Variants in VPS37A observed in about 807,000 individuals in gnomAD.
The protein encoded by VPS37A is vacuolar protein sorting-associated protein 37A.
In VPS37A, 30 loss-of-function variants were observed where a neutral mutation model predicts 49.8. The ratio of observed to expected loss-of-function variants is 0.60; its 90% CI spans 0.45 to 0.82. VPS37A has a LOEUF of 0.82. Ranked by LOEUF, VPS37A falls within the 40% of genes least tolerant of loss-of-function variation. The pLI is 0.00. For synonymous variants in VPS37A, 195 were observed against 160.6 expected (o/e 1.21, Z -1.62); for missense variants, 593 against 464.4 (o/e 1.28, Z -2.55).
chr8:17,304,401 T>G (rs761114661), downstream of VPS37A: 1 of 1,613,832 alleles, frequency 6.2e-7, no homozygotes, highest in South Asian at 1.1e-5. Context: ...TTACATGGTG[T>G]TGTAGGGAGA....
At chr8:17,269,193 T>G (rs1169293722) in intron 4 of VPS37A, among the ~76,000 whole-genome samples, 1 of 152,202 alleles carries the variant, frequency 6.6e-6, no homozygotes, top group Non-Finnish European at 1.5e-5. Flanking sequence ...TCATTTTAGA[T>G]ATTATCTGTT....
downstream of VPS37A, chr8:17,300,054 G>T (rs111589936): frequency 1.9e-6 from 3 of 1,614,066 alleles, no homozygotes; most frequent in Non-Finnish European, 8.5e-7. Context: ...AATCTTCATC[G>T]CCTTGTGAAG....
chr8:17,324,738 T>G, the VPS37A span, among the ~76,000 whole-genome samples: 1 of 152,200 alleles, frequency 6.6e-6, no homozygotes, highest in Non-Finnish European at 1.5e-5. Flanking sequence ...TATTTCCACT[T>G]TAATGGGAAA....
At chr8:17,311,682 A>G in the VPS37A span, 1 of 1,612,872 alleles carries the variant, frequency 6.2e-7, no homozygotes, top group Admixed American at 1.7e-5. Flanking sequence ...ATGGCTGTAA[A>G]AAGGCAGAAC....
chr8:17,300,183 C>T (rs759594265), downstream of VPS37A: 4 of 1,613,648 alleles, frequency 2.5e-6, no homozygotes, highest in Non-Finnish European at 3.4e-6. Context: ...TACTCTTCAC[C>T]TTAGTGCAAT....
chr8:17,250,038 G>A (rs567480469), intron 1 of VPS37A, among the ~76,000 whole-genome samples: 3 of 152,270 alleles, frequency 2.0e-5, no homozygotes, highest in South Asian at 2.1e-4. Flanking sequence ...CTAGTGGACC[G>A]GCCCGGGCTC....
chr8:17,323,317 C>T, the VPS37A span, among the ~76,000 whole-genome samples: 24 of 152,002 alleles, frequency 1.6e-4, no homozygotes, highest in Admixed American at 3.3e-4. Context: ...ACACTGGGGT[C>T]GAAATCTACA....
At chr8:17,311,771 AG>A in the VPS37A span, 1 of 1,387,850 alleles carries the variant, frequency 7.2e-7, no homozygotes, top group Non-Finnish European at 9.8e-7. Context: ...TCGTCTGTTT[AG>A]GGCCCCCCCT....
chr8:17,300,292 CTT>C, downstream of VPS37A: 1 of 1,476,920 alleles, frequency 6.8e-7, no homozygotes, highest in Non-Finnish European at 9.1e-7. Context: ...ATATGCATGT[CTT>C]TAGCATTTGT....
chr8:17,286,930 C>T (rs933425985), intron 11 of VPS37A, among the ~76,000 whole-genome samples: 4 of 152,188 alleles, frequency 2.6e-5, no homozygotes, highest in African/African-American at 9.6e-5. Flanking sequence ...ATTTGCTCTA[C>T]TCCAGAACCT....
chr8:17,299,848 T>A, downstream of VPS37A: 1 of 1,613,202 alleles, frequency 6.2e-7, no homozygotes, highest in Non-Finnish European at 8.5e-7. Context: ...ACTTTGGAAC[T>A]CCAAAGGGAA....
At chr8:17,268,450 A>T in intron 3 of VPS37A, 78 bp downstream of exon 3, 4 of 1,093,648 alleles carry the variant, frequency 3.7e-6, no homozygotes, top group Non-Finnish European at 5.2e-6. Flanking sequence ...AGAAATCTGA[A>T]ATGCATTTAA....
chr8:17,299,763 A>G (rs1200355031), downstream of VPS37A: 48 of 1,503,900 alleles, frequency 3.2e-5, 1 homozygote, highest in Non-Finnish European at 5.4e-6. Context: ...GTTCTCAATG[A>G]CATGCACCAT....
the VPS37A span, among the ~76,000 whole-genome samples, chr8:17,324,990 T>C: frequency 6.6e-6 from 1 of 152,142 alleles, no homozygotes; most frequent in Non-Finnish European, 1.5e-5. Context: ...AGAAATACTT[T>C]TAAATGAAAA....
At chr8:17,319,862 C>T in the VPS37A span, among the ~76,000 whole-genome samples, 1 of 152,102 alleles carries the variant, frequency 6.6e-6, no homozygotes, top group African/African-American at 2.4e-5. Flanking sequence ...CAAATACCAT[C>T]AGCTTAAAGG....
intron 1 of VPS37A, among the ~76,000 whole-genome samples, chr8:17,259,169 T>G (rs1812753539): frequency 6.6e-6 from 1 of 152,208 alleles, no homozygotes; most frequent in East Asian, 1.9e-4. Context: ...ATAATTGGGT[T>G]GTTTATTTGA....
the VPS37A span, chr8:17,311,515 A>T: frequency 6.2e-7 from 1 of 1,614,154 alleles, no homozygotes; most frequent in Non-Finnish European, 8.5e-7. Flanking sequence ...ACTCACCATG[A>T]AGCCCTTCAG....
At position 17,282,737 on chromosome 8, in the gene VPS37A, A is replaced by G. The variant is rs115452784; in HGVS notation, c.970-1736A>G. Among the ~76,000 whole-genome samples the G allele has an allele frequency of 4.8e-3, 724 of 151,862 alleles. 5 individuals are homozygous for G. The highest frequency in any genetic ancestry group is 0.016 in the African/African-American group (676 of 41,462). On this transcript the variant is annotated intron_variant, in intron 9 of 11. Coordinates refer to ENST00000324849, the MANE Select transcript of VPS37A (RefSeq NM_152415.3). ...GCTGGAAGTGACTCTTCAAACACTT[A>G]AAAAAAAGACACACACACACACACA...
At chr8:17,329,388 A>G in the VPS37A span, among the ~76,000 whole-genome samples, 4 of 152,240 alleles carry the variant, frequency 2.6e-5, no homozygotes, top group African/African-American at 4.8e-5. Context: ...TGGAAAAGTT[A>G]CGTGCAAGCA....
Sources: allele counts gnomAD v4.1 joint callset (sites outside exome capture counted in the v4.1 genomes callset), GRCh38; gene constraint gnomAD v4.1.1; transcripts MANE v1.5; gene names NCBI Gene and HGNC (gene_info 2026-07-23, HGNC 2026-07-21).